Variants in STK24 observed in about 807,000 individuals in gnomAD.
The protein encoded by STK24 is serine/threonine kinase 24, also known as serine/threonine-protein kinase 24.
A neutral mutation model predicts 55.6 loss-of-function variants in STK24; 21 were observed. The ratio of observed to expected loss-of-function variants is 0.38; its 90% CI spans 0.27 to 0.54. The LOEUF is 0.54. Among genes scored for constraint, STK24 ranks in the 20% least tolerant of loss-of-function variants. The pLI is 0.79. For synonymous variants in STK24, 200 were observed against 215.2 expected, an observed-to-expected ratio of 0.93 and a Z score of 0.62; for missense variants, 383 against 538.4, an observed-to-expected ratio of 0.71 and a Z score of 2.86.
intron 2 of STK24, among the ~76,000 whole-genome samples, chr13:98,490,099 C>G (rs900429788): frequency 3.3e-5 from 5 of 152,178 alleles, no homozygotes; most frequent in Non-Finnish European, 7.3e-5. Flanking sequence ...CCAGGACAAA[C>G]AGCAACAGCA....
intron 2 of STK24, among the ~76,000 whole-genome samples, chr13:98,498,646 G>C (rs140460737): frequency 6.6e-6 from 1 of 152,152 alleles, no homozygotes; most frequent in African/African-American, 2.4e-5. Context: ...CCCAAGGCCT[G>C]GAACTGAACA....
At chr13:98,523,439 C>T (rs569591605) in intron 1 of STK24, among the ~76,000 whole-genome samples, 9 of 152,346 alleles carry the variant, frequency 5.9e-5, no homozygotes, top group African/African-American at 2.2e-4. Flanking sequence ...GGGCACTCCT[C>T]CCAGCAAGAG....
chr13:98,484,648 C>T (rs143387174), intron 2 of STK24, among the ~76,000 whole-genome samples: 78 of 152,298 alleles, frequency 5.1e-4, no homozygotes, highest in African/African-American at 1.8e-3. Context: ...CACGAAGGTA[C>T]GTCACCACTT....
At chr13:98,567,440 TA>T (rs1178992002) in intron 1 of STK24, among the ~76,000 whole-genome samples, 12 of 152,186 alleles carry the variant, frequency 7.9e-5, no homozygotes, top group Non-Finnish European at 1.5e-4. Context: ...ATCATAAACT[TA>T]AGCAAGCGTT....
At chr13:98,555,014 C>CAAAAAA (rs398024117) in intron 1 of STK24, among the ~76,000 whole-genome samples, 20 of 88,262 alleles carry the variant, frequency 2.3e-4, no homozygotes, top group African/African-American at 2.6e-4. Context: ...GACTCCAACT[C>CAAAAAA]AAAAAAAAAA....
At position 98,576,862 on chromosome 13, in the gene STK24, G is replaced by C; in HGVS notation, c.-76C>G. Reference sequence around the variant, plus strand: ...CCGCGCGGGGCGGCGAGGCCCGCGGGCCGCGCGCAGCCCTCGGGCGGCGGG... The same window carrying C: ...CCGCGCGGGGCGGCGAGGCCCGCGGCCCGCGCGCAGCCCTCGGGCGGCGGG... On this transcript the variant is annotated 5_prime_UTR_variant, in exon 1 of 11. Coordinates refer to ENST00000539966, the MANE Select transcript of STK24 (RefSeq NM_001032296.4). The C allele has an allele frequency of 1.0e-6, 1 of 966,986 alleles. No homozygotes were observed. Among genetic ancestry groups the C allele is most frequent in the Non-Finnish European group, 1.2e-6 (1 of 809,974 alleles). The allele number at this position is 966,986 out of a possible 1,614,324, so 59.9% of individuals were successfully genotyped here.
intron 1 of STK24, among the ~76,000 whole-genome samples, chr13:98,532,133 T>C (rs1302497840): frequency 6.6e-6 from 1 of 152,156 alleles, no homozygotes; most frequent in Non-Finnish European, 1.5e-5. Context: ...CGGTCTAGTC[T>C]AGGAGATTGC....
chr13:98,516,298 T>C (rs1479626905), intron 2 of STK24, among the ~76,000 whole-genome samples: 1 of 152,214 alleles, frequency 6.6e-6, no homozygotes, highest in Non-Finnish European at 1.5e-5. Flanking sequence ...CTTCCAGGCA[T>C]TCTTGTGGCA....
In STK24 at chr13:98,449,407, G is replaced by A. The variant is rs1893073956; in HGVS notation, c.*3766C>T. The A allele has an allele frequency of 6.6e-6, 1 of 152,158 alleles. No individual in the cohort carries two copies. Among genetic ancestry groups the A allele is most frequent in the East Asian group, 1.9e-4 (1 of 5,206 alleles). The allele number at this position is 152,158 out of a possible 1,614,324, so 9.4% of individuals were successfully genotyped here. On this transcript the variant is annotated 3_prime_UTR_variant, in exon 11 of 11. Coordinates refer to ENST00000539966, the MANE Select transcript of STK24 (RefSeq NM_001032296.4). ...AGGGAACACGGTTTCCAGTGGCTTT[G>A]GCCCCTACTCGGGAAACGTCTGCCT...
chr13:98,466,973 G>A (rs538998159), intron 5 of STK24, among the ~76,000 whole-genome samples: 2 of 152,284 alleles, frequency 1.3e-5, no homozygotes, highest in African/African-American at 4.8e-5. Flanking sequence ...GGGCACCTTG[G>A]TCTCAAGATA....
chr13:98,543,124 T>C (rs921933996), intron 1 of STK24: 2 of 577,742 alleles, frequency 3.5e-6, no homozygotes, highest in African/African-American at 4.0e-5. Context: ...AGTCATGCCA[T>C]CCTCCAAAGT....
chr13:98,448,743 GTTT>G lies in STK24; in HGVS notation c.*4427_*4429del, dbSNP rs1893028357. On this transcript the variant is annotated 3_prime_UTR_variant, in exon 11 of 11. Coordinates refer to ENST00000539966, the MANE Select transcript of STK24 (RefSeq NM_001032296.4). ...TTACGAAGTGGACTTCCCGGTGTTT[GTTT>G]GTTTGTTTGCAATACACTCAGTGCA... 1 of 159,536 alleles carries G rather than the reference GTTT, an allele frequency of 6.3e-6. No individual in the cohort carries two copies. Among genetic ancestry groups the G allele is most frequent in the Admixed American group, 6.3e-5 (1 of 15,980 alleles). 9.9% of individuals were successfully genotyped at this position (159,536 alleles called of 1,614,324 possible). A position where few individuals can be genotyped will look rare whatever the true frequency, so the allele number is the denominator to read the frequency against.
rs752071965 is a variant in STK24, at chr13:98,474,797, G to A, written c.597+24C>T. ...AGCCCTCCAGGCCTCGTGAGGCACG[G>A]CGCCGCCCTCACCCTCCCCTCACCT... On this transcript the variant is annotated intron_variant, in intron 5 of 10. Transcript: ENST00000539966. The A allele has an allele frequency of 2.5e-6, 4 of 1,593,592 alleles. No homozygotes were observed. In the Admixed American group the frequency reaches 7.0e-5, roughly 28 times the overall value.
intron 1 of STK24, among the ~76,000 whole-genome samples, chr13:98,552,529 A>C (rs1195224870): frequency 6.6e-6 from 1 of 152,158 alleles, no homozygotes; most frequent in Admixed American, 6.5e-5. Flanking sequence ...TCCTTAGAGA[A>C]GGACATGCAC....
Position 98,519,252 on chromosome 13 carries a change from G to C in STK24, c.264C>G (p.Ser88=). Residue 88 remains serine, a synonymous_variant, in exon 2 of 11, where the codon TCC becomes TCG. Transcript: ENST00000539966. ...TTATTTTAAGCCTTACCTTCAGATA[G>C]GATCCATAATATTTGGTTACATATG... The part of the protein sequence containing the change: ...DSPYVTKYYG[S]YLKDTKLWII... 1 of 1,613,352 alleles carries C rather than the reference G, an allele frequency of 6.2e-7. No homozygotes were observed. The highest frequency in any genetic ancestry group is 8.5e-7 in the Non-Finnish European group (1 of 1,179,324).
intron 1 of STK24, among the ~76,000 whole-genome samples, chr13:98,545,926 C>CTTTT (rs1461112771): frequency 6.6e-6 from 1 of 151,962 alleles, no homozygotes; most frequent in Non-Finnish European, 1.5e-5. Flanking sequence ...AAAATGTTAC[C>CTTTT]TTAAAACTCT....
intron 1 of STK24, among the ~76,000 whole-genome samples, chr13:98,558,080 G>A (rs974108294): frequency 6.6e-6 from 1 of 151,970 alleles, no homozygotes; most frequent in Non-Finnish European, 1.5e-5. Flanking sequence ...AAATGTATGC[G>A]ACACATGTGC....
chr13:98,541,011 CAA>C (rs1896874298), intron 1 of STK24, among the ~76,000 whole-genome samples: 1 of 152,046 alleles, frequency 6.6e-6, no homozygotes, highest in Non-Finnish European at 1.5e-5. Context: ...TAGCAGGAGA[CAA>C]AATAAGGGTT....
At position 98,447,249 on chromosome 13, in the gene STK24, C is replaced by G. The variant is rs148993782; in HGVS notation, c.*5924G>C. The G allele has an allele frequency of 6.4e-6, 1 of 156,842 alleles. No homozygotes were observed. Among genetic ancestry groups the G allele is most frequent in the Admixed American group, 6.4e-5 (1 of 15,634 alleles). The allele number at this position is 156,842 out of a possible 1,614,324, so 9.7% of individuals were successfully genotyped here. On this transcript the variant is annotated 3_prime_UTR_variant, in exon 11 of 11. Transcript: ENST00000539966. ...GGCCTCTGCAAATTGCATCCCCAAGCCGACTACTTGTGCAGTTTGCCCTGC... is the reference window on the plus strand; with the variant it reads ...GGCCTCTGCAAATTGCATCCCCAAGGCGACTACTTGTGCAGTTTGCCCTGC...
Sources: allele counts gnomAD v4.1 joint callset (sites outside exome capture counted in the v4.1 genomes callset), GRCh38; gene constraint gnomAD v4.1.1; transcripts MANE v1.5; gene names NCBI Gene and HGNC (gene_info 2026-07-23, HGNC 2026-07-21).